MYT1: variants seen among roughly 807,000 people sequenced by gnomAD.
The protein encoded by MYT1 is myelin transcription factor I.
Under a neutral mutation model 123.0 loss-of-function variants are expected in MYT1, and 23 were observed. The observed-to-expected ratio is 0.19, with a 90% CI of 0.13 to 0.26. The LOEUF (loss-of-function observed/expected upper bound fraction) is 0.26. Among genes scored for constraint, MYT1 ranks in the 10% least tolerant of loss-of-function variants. MYT1 has a pLI of 1.00. For synonymous variants in MYT1, 518 were observed against 575.3 expected, an observed-to-expected ratio of 0.90 and a Z score of 1.43; for missense variants, 1,125 against 1,472.5, an observed-to-expected ratio of 0.76 and a Z score of 3.86.
chr20:64,201,965 C>CCGCGTGTCGGGAACCCCT (rs1983326488), intron 4 of MYT1, among the ~76,000 whole-genome samples: 1 of 129,856 alleles, frequency 7.7e-6, no homozygotes, highest in African/African-American at 2.7e-5. Context: ...TCGGGAACCC[C>CCGCGTGTCGGGAACCCCT]CGCGTGTCGG....
rs983944135 is a variant in MYT1 at position 64,191,016 on chromosome 20, T to C, written c.-1+856T>C. On this transcript the variant is annotated intron_variant, in intron 2 of 22. Coordinates refer to ENST00000328439, the MANE Select transcript of MYT1 (RefSeq NM_004535.3). The surrounding 1 kb of genome is among the most constrained non-coding windows in gnomAD (Gnocchi z 4.1). Reference sequence around the variant, plus strand: ...CAAAAAAAACCCACCAAAATGAAAATGTGACCCCAGAGTCTCACTTCCTTG... The same window carrying C: ...CAAAAAAAACCCACCAAAATGAAAACGTGACCCCAGAGTCTCACTTCCTTG... Among the ~76,000 whole-genome samples, 2 of 152,094 alleles carry C rather than the reference T, an allele frequency of 1.3e-5. No homozygotes were observed. The highest frequency in any genetic ancestry group is 1.3e-4 in the Admixed American group (2 of 15,264).
In MYT1 at chr20:64,202,000, C is replaced by CGCGTGTCGGGAACCCCT. The variant is rs1568708202; in HGVS notation, c.86+2079_86+2095dup. Among the ~76,000 whole-genome samples, 75 of 114,998 alleles carry CGCGTGTCGGGAACCCCT rather than the reference C, an allele frequency of 6.5e-4. 7 individuals carry two copies. In the South Asian group the frequency reaches 0.022, roughly 34 times the overall value. 75.4% of individuals were successfully genotyped at this position (114,998 alleles called of 152,430 possible). On this transcript the variant is annotated intron_variant, in intron 4 of 22. Transcript: ENST00000328439. ...GGAACCCCCGCGTGTCGGGAACCCC[C>CGCGTGTCGGGAACCCCT]GCGTGTCGGGAACCCCTCGCGTGTC...
In MYT1 at chr20:64,186,529, C is replaced by T. The variant is rs1017808036; in HGVS notation, c.-98-3534C>T. ...GTCCTCATGGGTTCACTTCCAGGCTCCGTCCACACATGTCTCTCCATCTCC... is the reference window on the plus strand; with the variant it reads ...GTCCTCATGGGTTCACTTCCAGGCTTCGTCCACACATGTCTCTCCATCTCC... On this transcript the variant is annotated intron_variant, in intron 1 of 22. Coordinates refer to ENST00000328439, the MANE Select transcript of MYT1 (RefSeq NM_004535.3). The surrounding 1 kb of genome is among the most constrained non-coding windows in gnomAD (Gnocchi z 4.3). 3.9e-5 allele frequency among the ~76,000 whole-genome samples: 6 copies of T among 152,244 alleles called. No homozygotes were observed. The highest frequency in any genetic ancestry group is 1.4e-4 in the African/African-American group (6 of 41,470).
chr20:64,237,517 AGT>A, intron 21 of MYT1, 127 bp downstream of exon 21: 1 of 700,892 alleles, frequency 1.4e-6, no homozygotes, highest in Non-Finnish European at 2.4e-6. Flanking sequence ...CGGACAGCGC[AGT>A]GGCTGGCACA....
chr20:64,227,865 C>T lies in MYT1; in HGVS notation c.2592-23C>T, dbSNP rs201510803. The T allele has an allele frequency of 3.3e-4, 523 of 1,609,098 alleles. 4 individuals carry two copies. The African/African-American group carries it at 6.4e-3, about 20-fold the overall frequency. ...GCTGCGGTTCCAGCACTAAGGTGGC[C>T]TTTTTTCCTCTTTCGAAATCAGCTT... On this transcript the variant is annotated intron_variant, in intron 17 of 22. Coordinates refer to ENST00000328439, the MANE Select transcript of MYT1 (RefSeq NM_004535.3).
rs561228801 is a variant in MYT1 at position 64,213,946 on chromosome 20, T to C, written c.1631+299T>C. Among the ~76,000 whole-genome samples, 67 of 152,326 alleles carry C rather than the reference T, an allele frequency of 4.4e-4. 2 individuals carry two copies. The South Asian group carries it at 0.013, about 29-fold the overall frequency. On this transcript the variant is annotated intron_variant, in intron 10 of 22. Coordinates refer to ENST00000328439, the MANE Select transcript of MYT1 (RefSeq NM_004535.3). This position sits in a 1 kb window ranked among gnomAD's most constrained non-coding sequence, Gnocchi z 5.6. ...CCTCCGACATGGGGCTCTGCCTCCT[T>C]GGAGTCGTCTGATGTGACCACTTGA...
Position 64,213,298 on chromosome 20 carries a change from T to C in MYT1, c.1518-236T>C, listed in dbSNP as rs958853653. Among the ~76,000 whole-genome samples, 1 of 152,174 alleles carries C rather than the reference T, an allele frequency of 6.6e-6. No homozygotes were observed. Among genetic ancestry groups the C allele is most frequent in the Non-Finnish European group, 1.5e-5 (1 of 68,018 alleles). ...TTTGTGTGTCCTTGGCATAGAATGT[T>C]CCAAAACAGAAACTGACTGGGCAGC... is the stretch of plus-strand genomic sequence containing the variant. On this transcript the variant is annotated intron_variant, in intron 9 of 22. Coordinates refer to ENST00000328439, the MANE Select transcript of MYT1 (RefSeq NM_004535.3). This position sits in a 1 kb window ranked among gnomAD's most constrained non-coding sequence, Gnocchi z 5.6.
rs1227769017 is a variant in MYT1, at chr20:64,190,447, G to A, written c.-1+287G>A. Reference sequence around the variant, plus strand: ...CCAGCACTTTGGGAGGCTGAGGCAGGTGGATCACTTGAGGTCAAGAGTTCA... The same window carrying A: ...CCAGCACTTTGGGAGGCTGAGGCAGATGGATCACTTGAGGTCAAGAGTTCA... On this transcript the variant is annotated intron_variant, in intron 2 of 22. Transcript: ENST00000328439. The surrounding 1 kb of genome is among the most constrained non-coding windows in gnomAD (Gnocchi z 4.1). Among the ~76,000 whole-genome samples the A allele has an allele frequency of 1.3e-5, 2 of 152,246 alleles. No homozygotes were observed. The highest frequency in any genetic ancestry group is 4.8e-5 in the African/African-American group (2 of 41,470).
In MYT1 at chr20:64,227,991, C is replaced by T; in HGVS notation, c.2675+20C>T. ...GATGAAGTACGTTGGGCCATGCTGGCTCTTTCATTGCATTGCGGAATTGAG... is the reference window on the plus strand; with the variant it reads ...GATGAAGTACGTTGGGCCATGCTGGTTCTTTCATTGCATTGCGGAATTGAG... On this transcript the variant is annotated intron_variant, in intron 18 of 22. Coordinates refer to ENST00000328439, the MANE Select transcript of MYT1 (RefSeq NM_004535.3). The T allele has an allele frequency of 1.9e-6, 3 of 1,608,726 alleles. No homozygotes were observed. Among genetic ancestry groups the T allele is most frequent in the Middle Eastern group, 1.7e-4 (1 of 6,048 alleles).
intron 13 of MYT1, 96 bp from the exon 14 acceptor site, chr20:64,221,797 C>T: frequency 1.6e-6 from 2 of 1,284,266 alleles, no homozygotes; most frequent in Admixed American, 2.2e-5. Flanking sequence ...CTTCTGTGGA[C>T]ACTGTCCTGA....
intron 19 of MYT1, among the ~76,000 whole-genome samples, chr20:64,235,633 G>T (rs1391524589): frequency 1.4e-5 from 2 of 144,150 alleles, no homozygotes; most frequent in African/African-American, 2.6e-5. Flanking sequence ...GGGTGACCCT[G>T]GGCTGGCCGT....
At chr20:64,204,388 C>A (rs931788963) in intron 4 of MYT1, among the ~76,000 whole-genome samples, 11 of 152,202 alleles carry the variant, frequency 7.2e-5, no homozygotes, top group African/African-American at 2.4e-4. Flanking sequence ...TAGCACAGCC[C>A]AAAAGTCTTC....
chr20:64,232,965 C>T lies in MYT1; in HGVS notation c.2897+580C>T, dbSNP rs536452253. On this transcript the variant is annotated intron_variant, in intron 19 of 22. Transcript: ENST00000328439. This position sits in a 1 kb window ranked among gnomAD's most constrained non-coding sequence, Gnocchi z 6.9. ...TGCCCTCCAACACCTGCTCCAGAGC[C>T]GAAGGACCTTGCTTCACCAGCCCCA... Among the ~76,000 whole-genome samples the T allele has an allele frequency of 1.5e-3, 228 of 151,960 alleles. 1 individual carries two copies. The highest frequency in any genetic ancestry group is 4.8e-3 in the African/African-American group (199 of 41,430).
rs999846986 is a variant in MYT1, at chr20:64,179,934, TAC to T, written c.-98-10121_-98-10120del. ...GCTCTATACAGTTATACACACATGC[TAC>T]ACACACAGTTACACATTTGCACACA... On this transcript the variant is annotated intron_variant, in intron 1 of 22. Coordinates refer to ENST00000328439, the MANE Select transcript of MYT1 (RefSeq NM_004535.3). 4.4e-4 allele frequency among the ~76,000 whole-genome samples: 12 copies of T among 27,278 alleles called. No individual in the cohort carries two copies. The East Asian group carries it at 0.011, about 25-fold the overall frequency. The allele number at this position is 27,278 out of a possible 152,430, so 17.9% of individuals were successfully genotyped here.
At chr20:64,188,587 G>T (rs1212319086) in intron 1 of MYT1, among the ~76,000 whole-genome samples, 1 of 152,316 alleles carries the variant, frequency 6.6e-6, no homozygotes, top group East Asian at 1.9e-4. Context: ...CGGCTGATAC[G>T]ATTCTTGTCG....
At chr20:64,171,126 C>T (rs1198247363) in intron 1 of MYT1, among the ~76,000 whole-genome samples, 1 of 150,680 alleles carries the variant, frequency 6.6e-6, no homozygotes, top group Non-Finnish European at 1.5e-5. Context: ...GCCATGTTGG[C>T]GAGGCTGGTC....
At chr20:64,236,712 C>A in intron 20 of MYT1, 66 bp downstream of exon 20, 1 of 1,389,868 alleles carries the variant, frequency 7.2e-7, no homozygotes, top group Non-Finnish European at 1.0e-6. Flanking sequence ...AGCTGTGCAC[C>A]TTTTGTGCTG....
intron 13 of MYT1, 91 bp downstream of exon 13, chr20:64,220,073 TCTC>T (rs1409622026): frequency 2.5e-5 from 35 of 1,403,058 alleles, no homozygotes; most frequent in Admixed American, 3.1e-5. Context: ...CAAGGAAGCT[TCTC>T]CTCACAGGCT....
At position 64,232,842 on chromosome 20, in the gene MYT1, T is replaced by C. The variant is rs1306320142; in HGVS notation, c.2897+457T>C. On this transcript the variant is annotated intron_variant, in intron 19 of 22. Transcript: ENST00000328439. The surrounding 1 kb of genome is among the most constrained non-coding windows in gnomAD (Gnocchi z 6.9). ...CTGTCCGTCCCATTCATGCCTCTTC[T>C]TTGAACTCTGGGCAGAGACCCCTGC... Among the ~76,000 whole-genome samples the C allele has an allele frequency of 4.7e-5, 7 of 148,796 alleles. No homozygotes were observed. Among genetic ancestry groups the C allele is most frequent in the East Asian group, 3.9e-4 (2 of 5,140 alleles).
Sources: gnomAD v4.1 joint callset for allele counts (sites outside exome capture counted in the v4.1 genomes callset) on GRCh38, gnomAD v4.1.1 for gene constraint, Gnocchi (gnomAD v3.1) non-coding constraint, MANE v1.5 for transcripts, NCBI Gene and HGNC (gene_info 2026-07-23, HGNC 2026-07-21) for gene names.